TLE4: variants seen among roughly 807,000 people sequenced by gnomAD.
TLE4 encodes the protein transducin-like enhancer protein 4.
Under a neutral mutation model 92.8 loss-of-function variants are expected in TLE4, and 8 were observed. The observed-to-expected ratio is 0.09, with a 90% CI of 0.05 to 0.16. The LOEUF (loss-of-function observed/expected upper bound fraction) is 0.16. TLE4 is among the 10% of genes least tolerant of loss of function. The probability of loss-of-function intolerance (pLI) is 1.00; values close to 1 mark genes in which losing one functional copy is unlikely to be tolerated. For missense variants in TLE4, 675 were observed against 997.6 expected (o/e 0.68, Z 4.36); for synonymous variants, 371 against 374.1 (o/e 0.99, Z 0.10).
chr9:79,681,156 T>C (rs1199160220), intron 8 of TLE4, among the ~76,000 whole-genome samples: 1 of 152,174 alleles, frequency 6.6e-6, no homozygotes, highest in Non-Finnish European at 1.5e-5. Flanking sequence ...TTTTTATTAA[T>C]ACTTAGTATT....
chr9:79,657,071 C>G (rs1272400412), intron 8 of TLE4, among the ~76,000 whole-genome samples: 2 of 152,146 alleles, frequency 1.3e-5, no homozygotes, highest in African/African-American at 4.8e-5. Flanking sequence ...AAGGAGAAAA[C>G]ACTGTAGGAG....
intron 14 of TLE4, among the ~76,000 whole-genome samples, chr9:79,715,110 T>C (rs1199677022): frequency 6.6e-6 from 1 of 152,138 alleles, no homozygotes; most frequent in East Asian, 1.9e-4. Flanking sequence ...ACAGAGTGGT[T>C]GTTGTTGAGG....
chr9:79,637,332 G>A (rs562391013), intron 6 of TLE4, among the ~76,000 whole-genome samples: 1 of 152,288 alleles, frequency 6.6e-6, no homozygotes, highest in South Asian at 2.1e-4. Context: ...TACAAATAAT[G>A]AAACCAAGGG....
chr9:79,612,550 C>T, intron 4 of TLE4, 106 bp from the exon 5 acceptor site: 3 of 1,072,288 alleles, frequency 2.8e-6, no homozygotes, highest in Admixed American at 1.8e-5. Context: ...GGAAATATGC[C>T]AGCCAAATTA....
chr9:79,694,918 C>T (rs959338538), intron 8 of TLE4, among the ~76,000 whole-genome samples: 6 of 152,162 alleles, frequency 3.9e-5, no homozygotes, highest in Non-Finnish European at 8.8e-5. Flanking sequence ...TGCGTGCATT[C>T]TTCCCTGGGT....
intron 4 of TLE4, among the ~76,000 whole-genome samples, chr9:79,609,212 G>T (rs1209803639): frequency 6.6e-6 from 1 of 151,982 alleles, no homozygotes; most frequent in Non-Finnish European, 1.5e-5. Context: ...ATTCTTTTCT[G>T]TGTTTTCCTG....
At chr9:79,593,651 G>A (rs2043229706) in intron 4 of TLE4, among the ~76,000 whole-genome samples, 1 of 152,134 alleles carries the variant, frequency 6.6e-6, no homozygotes, top group Non-Finnish European at 1.5e-5. Flanking sequence ...GCAAAAGAAA[G>A]AAACTCACTC....
chr9:79,721,957 G>A, intron 17 of TLE4, 69 bp downstream of exon 17: 1 of 1,553,606 alleles, frequency 6.4e-7, no homozygotes, highest in South Asian at 1.2e-5. Flanking sequence ...ACCAGGTCAG[G>A]GAATCGAGAC....
chr9:79,668,480 T>C (rs1564777675), intron 8 of TLE4, among the ~76,000 whole-genome samples: 1 of 152,202 alleles, frequency 6.6e-6, no homozygotes. Context: ...TGGAAAATTT[T>C]GTTGCTTATG....
chr9:79,608,696 T>C (rs2047663588), intron 4 of TLE4, among the ~76,000 whole-genome samples: 1 of 152,038 alleles, frequency 6.6e-6, no homozygotes, highest in African/African-American at 2.4e-5. Context: ...TAATAACGCT[T>C]TGTTATTCTG....
chr9:79,708,066 C>T, intron 11 of TLE4, 52 bp from the exon 12 acceptor site: 1 of 1,578,260 alleles, frequency 6.3e-7, no homozygotes, highest in Non-Finnish European at 8.7e-7. Flanking sequence ...TGTTTAACGT[C>T]ATTGTTAAAA....
intron 6 of TLE4, among the ~76,000 whole-genome samples, chr9:79,636,002 C>T (rs1454744882): frequency 6.6e-6 from 1 of 152,092 alleles, no homozygotes; most frequent in African/African-American, 2.4e-5. Flanking sequence ...TTTCCATCTC[C>T]TCCTGGTCCA....
intron 6 of TLE4, among the ~76,000 whole-genome samples, chr9:79,630,329 A>C (rs1455005832): frequency 6.6e-6 from 1 of 152,216 alleles, no homozygotes; most frequent in Non-Finnish European, 1.5e-5. Context: ...GGTTGTGTTT[A>C]ATGGAATGAA....
chr9:79,664,877 T>A (rs1206361573), intron 8 of TLE4, among the ~76,000 whole-genome samples: 1 of 152,222 alleles, frequency 6.6e-6, no homozygotes, highest in African/African-American at 2.4e-5. Context: ...CTTTTTTCTC[T>A]TTGTGCCTCC....
At chr9:79,707,258 G>C in intron 11 of TLE4, 3 of 1,557,316 alleles carry the variant, frequency 1.9e-6, no homozygotes, top group Non-Finnish European at 2.7e-6. Flanking sequence ...TTTGTTGCTA[G>C]CTTTGTTTGA....
At chr9:79,679,270 C>T (rs1461352352) in intron 8 of TLE4, among the ~76,000 whole-genome samples, 1 of 152,124 alleles carries the variant, frequency 6.6e-6, no homozygotes, top group Non-Finnish European at 1.5e-5. Flanking sequence ...TCTCCACCTC[C>T]TCTCCAACAC....
intron 4 of TLE4, among the ~76,000 whole-genome samples, chr9:79,598,707 C>T (rs1448662483): frequency 6.6e-6 from 1 of 152,032 alleles, no homozygotes; most frequent in African/African-American, 2.4e-5. Context: ...TAATATGGCT[C>T]ACATTACTCT....
At chr9:79,722,275 C>G (rs1027279121) in intron 17 of TLE4, among the ~76,000 whole-genome samples, 176 bp from the exon 18 acceptor site, 3 of 152,216 alleles carry the variant, frequency 2.0e-5, no homozygotes, top group Admixed American at 6.5e-5. Flanking sequence ...GGATTAACCA[C>G]TTTGAAGTCT....
intron 14 of TLE4, among the ~76,000 whole-genome samples, chr9:79,717,189 G>A (rs1160327955): frequency 6.6e-6 from 1 of 152,160 alleles, no homozygotes; most frequent in Non-Finnish European, 1.5e-5. Context: ...AATCACAGCT[G>A]TTTGGATTTC....
Sources: gnomAD v4.1 joint callset for allele counts (sites outside exome capture counted in the v4.1 genomes callset) on GRCh38, gnomAD v4.1.1 for gene constraint, MANE v1.5 for transcripts, NCBI Gene and HGNC (gene_info 2026-07-23, HGNC 2026-07-21) for gene names.